Variants in MAP3K7CL observed in about 807,000 individuals in gnomAD.
MAP3K7CL encodes the protein MAP3K7 C-terminal-like protein.
A neutral mutation model predicts 18.6 loss-of-function variants in MAP3K7CL; 16 were observed. That is an observed-to-expected ratio of 0.86 (90% CI 0.58 to 1.31). The LOEUF (loss-of-function observed/expected upper bound fraction) is 1.31. MAP3K7CL is among the 50% of genes most tolerant of loss of function. MAP3K7CL has a pLI of 0.00. For missense variants in MAP3K7CL, 163 were observed against 174.4 expected (o/e 0.93, Z 0.37); for synonymous variants, 65 against 66.8 (o/e 0.97, Z 0.13).
At chr21:29,162,327 A>G (rs2087569302) in intron 4 of MAP3K7CL, among the ~76,000 whole-genome samples, 1 of 150,734 alleles carries the variant, frequency 6.6e-6, no homozygotes. Flanking sequence ...TTTTTTTGGA[A>G]ATGCAATACT....
In MAP3K7CL at chr21:29,092,713, T is replaced by C. The variant is rs2086050832; in HGVS notation, c.370+132T>C. On this transcript the variant is annotated intron_variant, in intron 4 of 6. Transcript: ENST00000286791. ...CTGGGTCAGAGCAGGACAATGGCTC[T>C]ACGACGTGCTGGGTGTTCTTCTATC... 4 of 968,568 alleles carry C rather than the reference T, an allele frequency of 4.1e-6. No homozygotes were observed. In the South Asian group the frequency reaches 4.9e-5, roughly 12 times the overall value. 60.0% of individuals were successfully genotyped at this position (968,568 alleles called of 1,614,324 possible). A position where few individuals can be genotyped will look rare whatever the true frequency, so the allele number is the denominator to read the frequency against.
intron 3 of MAP3K7CL, among the ~76,000 whole-genome samples, chr21:29,157,484 T>C (rs529390763): frequency 3.9e-5 from 6 of 152,344 alleles, no homozygotes; most frequent in Admixed American, 3.9e-4. Context: ...AAGTGACCCC[T>C]GGAATCTTTG....
chr21:29,162,605 C>G (rs2087577976), intron 4 of MAP3K7CL, among the ~76,000 whole-genome samples: 1 of 151,274 alleles, frequency 6.6e-6, no homozygotes, highest in Admixed American at 6.6e-5. Flanking sequence ...ATCGCTTGAA[C>G]CCAGGAGGTG....
chr21:29,155,075 T>C lies in MAP3K7CL; in HGVS notation c.133-4866T>C, dbSNP rs192205181. ...TGATAGTGCTCAACTTGTACTGTAA[T>C]GTAGATACTATATAAATGTCATTTC... On this transcript the variant is annotated intron_variant, in intron 3 of 4. Coordinates refer to ENST00000399928, the MANE Select transcript of MAP3K7CL (RefSeq NM_001286620.2). Among the ~76,000 whole-genome samples the C allele has an allele frequency of 3.3e-3, 504 of 152,338 alleles. 3 individuals carry two copies. Among genetic ancestry groups the C allele is most frequent in the South Asian group, 0.022 (106 of 4,828 alleles).
chr21:29,094,329 T>C (rs2086082704), intron 4 of MAP3K7CL, among the ~76,000 whole-genome samples: 1 of 152,238 alleles, frequency 6.6e-6, no homozygotes, highest in Non-Finnish European at 1.5e-5. Flanking sequence ...TCTCAAATGT[T>C]AGCATCTGTC....
intron 3 of MAP3K7CL, among the ~76,000 whole-genome samples, chr21:29,157,114 T>A (rs1042456209): frequency 1.3e-5 from 2 of 152,228 alleles, no homozygotes; most frequent in Non-Finnish European, 2.9e-5. Flanking sequence ...CATTGATTTT[T>A]TTCTTATTAT....
intron 4 of MAP3K7CL, among the ~76,000 whole-genome samples, chr21:29,170,168 A>G (rs1338820259): frequency 6.6e-6 from 1 of 152,260 alleles, no homozygotes; most frequent in East Asian, 1.9e-4. Context: ...GAGCATAAAT[A>G]TGTCTATATA....
intron 2 of MAP3K7CL, among the ~76,000 whole-genome samples, chr21:29,143,665 C>T (rs529651886): frequency 1.1e-4 from 17 of 152,130 alleles, no homozygotes; most frequent in African/African-American, 3.6e-4. Flanking sequence ...TCAGGTGATC[C>T]GCCCACCTCG....
chr21:29,112,961 A>C (rs1348648542), intron 4 of MAP3K7CL, among the ~76,000 whole-genome samples: 1 of 152,092 alleles, frequency 6.6e-6, no homozygotes, highest in Non-Finnish European at 1.5e-5. Context: ...GGCCTGTGCC[A>C]CAACACCCAG....
At position 29,119,079 on chromosome 21, in the gene MAP3K7CL, G is replaced by A. The variant is rs186884147; in HGVS notation, c.370+26498G>A. Among the ~76,000 whole-genome samples, 285 of 152,244 alleles carry A rather than the reference G, an allele frequency of 1.9e-3. 4 individuals are homozygous for A. The highest frequency in any genetic ancestry group is 6.7e-3 in the African/African-American group (278 of 41,538). On this transcript the variant is annotated intron_variant, in intron 4 of 6. Transcript: ENST00000286791. Reference sequence around the variant, plus strand: ...ATTGGCTTCTCCCCATGGAGGATGAGGATTTGGCTCTCTCCCTGCATCCCC... The same window carrying A: ...ATTGGCTTCTCCCCATGGAGGATGAAGATTTGGCTCTCTCCCTGCATCCCC...
chr21:29,172,665 A>G (rs770299524), intron 4 of MAP3K7CL, among the ~76,000 whole-genome samples: 1 of 152,140 alleles, frequency 6.6e-6, no homozygotes, highest in Non-Finnish European at 1.5e-5. Flanking sequence ...TATATAATTT[A>G]TGAATGAATA....
chr21:29,140,313 ATTAC>A (rs2086978271), intron 2 of MAP3K7CL, among the ~76,000 whole-genome samples: 1 of 152,216 alleles, frequency 6.6e-6, no homozygotes, highest in Admixed American at 6.5e-5. Flanking sequence ...GTTGGAATGT[ATTAC>A]TTAAAGTTGT....
chr21:29,087,927 CTA>C (rs1477059417), intron 1 of MAP3K7CL, among the ~76,000 whole-genome samples: 3 of 152,124 alleles, frequency 2.0e-5, no homozygotes, highest in African/African-American at 7.2e-5. Flanking sequence ...CTATACAACA[CTA>C]TGAGATTTCT....
At chr21:29,134,974 C>T (rs556334228) in intron 2 of MAP3K7CL, among the ~76,000 whole-genome samples, 2 of 151,642 alleles carry the variant, frequency 1.3e-5, no homozygotes, top group Non-Finnish European at 2.9e-5. Context: ...TGGTGTGAAC[C>T]TGGGAGGTGG....
rs532824861 is a variant in MAP3K7CL, at chr21:29,154,762, C to T, written c.133-5179C>T. ...GTATATTCTCATAGAAAGCACCAGA[C>T]GTAGCTGACATTTTCTCTCATACAC... On this transcript the variant is annotated intron_variant, in intron 3 of 4. Transcript: ENST00000399928. 1.1e-4 allele frequency among the ~76,000 whole-genome samples: 17 copies of T among 152,302 alleles called. No homozygotes were observed. In the East Asian group the frequency reaches 2.5e-3, roughly 22 times the overall value.
At chr21:29,156,940 G>A (rs926560783) in intron 3 of MAP3K7CL, among the ~76,000 whole-genome samples, 2 of 152,134 alleles carry the variant, frequency 1.3e-5, no homozygotes, top group Admixed American at 6.6e-5. Flanking sequence ...TGAATGGCTC[G>A]AGATTATAAA....
intron 4 of MAP3K7CL, chr21:29,109,291 G>A (rs2832182): frequency 0.5 from 742,436 of 1,484,518 alleles, 187,447 homozygotes; most frequent in East Asian, 0.67. Flanking sequence ...TGCTTATTTT[G>A]TGCCCATTTA....
chr21:29,107,409 A>G (rs921176157), intron 4 of MAP3K7CL, among the ~76,000 whole-genome samples: 2 of 152,326 alleles, frequency 1.3e-5, no homozygotes, highest in Admixed American at 1.3e-4. Flanking sequence ...GCAACAGTAT[A>G]GAGACTGCCG....
At chr21:29,120,516 A>G (rs68046920) in intron 4 of MAP3K7CL, among the ~76,000 whole-genome samples, 29,683 of 152,104 alleles carry the variant, frequency 0.2, 3,508 homozygotes, top group East Asian at 0.4. Context: ...CATCATGGGT[A>G]TGAAAAGGGC....
Sources: allele counts gnomAD v4.1 joint callset (sites outside exome capture counted in the v4.1 genomes callset), GRCh38; gene constraint gnomAD v4.1.1; transcripts MANE v1.5; gene names NCBI Gene and HGNC (gene_info 2026-07-23, HGNC 2026-07-21).